The following ERBB4 variants were observed in gnomAD, a reference collection of about 807,000 sequenced individuals.
ERBB4 encodes erb-b2 receptor tyrosine kinase 4, also known as receptor tyrosine-protein kinase erbB-4.
ERBB4 carries 42 observed loss-of-function variants against 158.0 expected under a neutral mutation model. The observed-to-expected ratio is 0.27, with a 90% CI of 0.21 to 0.34. ERBB4 has a LOEUF of 0.34. Ranked by LOEUF, ERBB4 falls within the 10% of genes least tolerant of loss-of-function variation. ERBB4 has a pLI of 1.00. For missense variants in ERBB4, 1,333 were observed against 1,624.1 expected (o/e 0.82, Z 3.08); for synonymous variants, 583 against 558.7 (o/e 1.04, Z -0.61).
At chr2:212,462,890 G>T (rs1172075728) in intron 1 of ERBB4, among the ~76,000 whole-genome samples, 8 of 151,938 alleles carry the variant, frequency 5.3e-5, no homozygotes, top group Non-Finnish European at 8.8e-5. Flanking sequence ...AAGGGAATAT[G>T]GTATTTATAC....
At chr2:211,784,623 G>A (rs1179426032) in intron 4 of ERBB4, among the ~76,000 whole-genome samples, 2 of 152,104 alleles carry the variant, frequency 1.3e-5, no homozygotes, top group African/African-American at 4.8e-5. Flanking sequence ...ATATCCAGAA[G>A]TGGGATTGCT....
intron 4 of ERBB4, among the ~76,000 whole-genome samples, chr2:211,762,317 A>T (rs1217069417): frequency 6.6e-6 from 1 of 152,226 alleles, no homozygotes; most frequent in Non-Finnish European, 1.5e-5. Flanking sequence ...AGACAAAGAC[A>T]AGCGGGTTTC....
chr2:212,227,026 G>A (rs1197843214), intron 1 of ERBB4, among the ~76,000 whole-genome samples: 6 of 152,072 alleles, frequency 3.9e-5, no homozygotes, highest in South Asian at 4.2e-4. Context: ...CTGGCAGAAC[G>A]CTTAAGATTG....
At chr2:211,554,658 G>C (rs1475334688) in intron 20 of ERBB4, among the ~76,000 whole-genome samples, 1 of 152,170 alleles carries the variant, frequency 6.6e-6, no homozygotes, top group African/African-American at 2.4e-5. Context: ...GATCTGTGCT[G>C]TTTTCCACTT....
At chr2:211,387,839 C>T (rs1300110782) in intron 26 of ERBB4, 106 bp downstream of exon 26, 10 of 875,992 alleles carry the variant, frequency 1.1e-5, no homozygotes, top group Non-Finnish European at 1.4e-5. Context: ...TCTTAACTCA[C>T]TGTTGGCAAA....
chr2:212,226,035 T>A (rs982123949), intron 1 of ERBB4, among the ~76,000 whole-genome samples: 2 of 152,162 alleles, frequency 1.3e-5, no homozygotes, highest in African/African-American at 4.8e-5. Flanking sequence ...TTGAGCCTGA[T>A]CTAATTGGGT....
chr2:211,973,070 C>T (rs1273677446), intron 2 of ERBB4, among the ~76,000 whole-genome samples: 1 of 145,538 alleles, frequency 6.9e-6, no homozygotes, highest in Admixed American at 6.9e-5. Flanking sequence ...AGCAAATTGA[C>T]AAGAAAAAGA....
intron 1 of ERBB4, among the ~76,000 whole-genome samples, chr2:212,218,238 C>G (rs1011978589): frequency 6.6e-6 from 1 of 151,212 alleles, no homozygotes; most frequent in African/African-American, 2.4e-5. Flanking sequence ...TTCTGTGCGG[C>G]CTTAATGAAT....
intron 4 of ERBB4, among the ~76,000 whole-genome samples, chr2:211,775,894 T>C (rs1478874699): frequency 1.3e-5 from 2 of 152,212 alleles, no homozygotes; most frequent in East Asian, 1.9e-4. Context: ...TGTATACTTA[T>C]GCTTAATCTA....
intron 2 of ERBB4, among the ~76,000 whole-genome samples, chr2:212,056,515 G>C (rs1344667045): frequency 6.6e-6 from 1 of 152,152 alleles, no homozygotes; most frequent in Non-Finnish European, 1.5e-5. Flanking sequence ...AAAATGTTAA[G>C]GGCAGCCAGA....
At chr2:211,900,105 C>A (rs540574347) in intron 3 of ERBB4, among the ~76,000 whole-genome samples, 2 of 152,240 alleles carry the variant, frequency 1.3e-5, no homozygotes, top group East Asian at 3.9e-4. Flanking sequence ...GAGGCCTCAA[C>A]TTTCCATCAC....
At chr2:212,397,402 G>A (rs2091061040) in intron 1 of ERBB4, among the ~76,000 whole-genome samples, 1 of 151,884 alleles carries the variant, frequency 6.6e-6, no homozygotes, top group South Asian at 2.1e-4. Context: ...GAGCCTTAGA[G>A]GTCAAGGCTA....
chr2:211,898,987 T>A (rs1003355354), intron 3 of ERBB4, among the ~76,000 whole-genome samples: 6 of 152,164 alleles, frequency 3.9e-5, no homozygotes, highest in Admixed American at 3.3e-4. Context: ...ACTTACTGGT[T>A]TTCTTTTTAT....
intron 3 of ERBB4, among the ~76,000 whole-genome samples, chr2:211,805,830 A>G (rs1449045289): frequency 6.6e-6 from 1 of 152,078 alleles, no homozygotes. Context: ...AGGAAAGAAT[A>G]ATCAATGAAG....
intron 25 of ERBB4, among the ~76,000 whole-genome samples, chr2:211,407,646 C>T (rs1254653580): frequency 2.8e-4 from 43 of 152,152 alleles, no homozygotes; most frequent in Non-Finnish European, 1.0e-4. Context: ...ACCCATCTCT[C>T]AATTCAGCTT....
chr2:212,146,986 C>T (rs1224148080), intron 1 of ERBB4, among the ~76,000 whole-genome samples: 13 of 77,444 alleles, frequency 1.7e-4, no homozygotes, highest in Non-Finnish European at 2.0e-4. Flanking sequence ...CATTGTTAGA[C>T]TTTTTTTTTT....
Position 211,580,348 on chromosome 2 carries a change from C to T in ERBB4, c.2302-18260G>A, listed in dbSNP as rs184436866. ...AAACTGGGCTAAGGACACGAATAGA[C>T]AATTCTCAAAAGAAGATGTACAAAA... On this transcript the variant is annotated intron_variant, in intron 19 of 27. Transcript: ENST00000342788. Among the ~76,000 whole-genome samples the T allele has an allele frequency of 7.2e-5, 11 of 152,166 alleles. No homozygotes were observed. The East Asian group carries it at 2.1e-3, about 30-fold the overall frequency.
chr2:211,987,854 A>G (rs937345557), intron 2 of ERBB4, among the ~76,000 whole-genome samples: 1 of 152,180 alleles, frequency 6.6e-6, no homozygotes, highest in Non-Finnish European at 1.5e-5. Flanking sequence ...ACATTGTAAG[A>G]GGAAGTTTTT....
At chr2:212,158,566 C>A (rs1223056458) in intron 1 of ERBB4, among the ~76,000 whole-genome samples, 1 of 151,974 alleles carries the variant, frequency 6.6e-6, no homozygotes, top group Non-Finnish European at 1.5e-5. Flanking sequence ...AAAAGATAAT[C>A]TTTTTGGACC....
Sources: allele counts gnomAD v4.1 joint callset (sites outside exome capture counted in the v4.1 genomes callset), GRCh38; gene constraint gnomAD v4.1.1; transcripts MANE v1.5; gene names NCBI Gene and HGNC (gene_info 2026-07-23, HGNC 2026-07-21).